Variants in NEBL observed in about 807,000 individuals in gnomAD.
The protein encoded by NEBL is nebulette.
A neutral mutation model predicts 140.2 loss-of-function variants in NEBL; 122 were observed. The ratio of observed to expected loss-of-function variants is 0.87; its 90% CI spans 0.75 to 1.01. The LOEUF (loss-of-function observed/expected upper bound fraction) is 1.01. Ranked by LOEUF, NEBL falls within the 50% of genes least tolerant of loss-of-function variation. The pLI, the probability that NEBL is intolerant of heterozygous loss-of-function variation, is 0.00. For synonymous variants in NEBL, 436 were observed against 398.9 expected, an observed-to-expected ratio of 1.09 and a Z score of -1.11; for missense variants, 1,365 against 1,231.3, an observed-to-expected ratio of 1.11 and a Z score of -1.62.
intron 4 of NEBL, among the ~76,000 whole-genome samples, chr10:20,903,434 A>C (rs903822337): frequency 6.6e-6 from 1 of 152,190 alleles, no homozygotes; most frequent in Non-Finnish European, 1.5e-5. Context: ...AAATGAGTAA[A>C]ACCTCTACGG....
rs1357824929 is a variant in NEBL, at chr10:20,813,820, C to T, written c.2346+119G>A. The T allele has an allele frequency of 4.1e-6, 3 of 738,952 alleles. No homozygotes were observed. In the African/African-American group the frequency reaches 5.2e-5, roughly 13 times the overall value. The allele number at this position is 738,952 out of a possible 1,614,324, so 45.8% of individuals were successfully genotyped here. A position where few individuals can be genotyped will look rare whatever the true frequency, so the allele number is the denominator to read the frequency against. ...TTAGAAATGCCCCTCCCTCAAAAGACAAGCCAACCACATTTCCATGCTTTG... is the reference window on the plus strand; with the variant it reads ...TTAGAAATGCCCCTCCCTCAAAAGATAAGCCAACCACATTTCCATGCTTTG... On this transcript the variant is annotated intron_variant, in intron 23 of 27. Coordinates refer to ENST00000377122, the MANE Select transcript of NEBL (RefSeq NM_006393.3).
intron 23 of NEBL, among the ~76,000 whole-genome samples, chr10:20,813,376 A>T (rs1390909693): frequency 1.3e-5 from 2 of 150,974 alleles, no homozygotes; most frequent in African/African-American, 5.0e-5. Flanking sequence ...GAAATTTTAT[A>T]GGTAACAATA....
intron 3 of NEBL, among the ~76,000 whole-genome samples, chr10:20,981,729 A>G (rs1326754175): frequency 1.3e-5 from 2 of 152,190 alleles, no homozygotes; most frequent in African/African-American, 4.8e-5. Flanking sequence ...CTGGACTGAC[A>G]GCTACAAGGA....
chr10:21,177,270 A>T (rs1166432636), upstream of NEBL, among the ~76,000 whole-genome samples: 2 of 152,168 alleles, frequency 1.3e-5, no homozygotes, highest in African/African-American at 4.8e-5. Context: ...TACTGCAGGG[A>T]GGTGACTGTT....
At chr10:21,257,772 C>G (rs1385146778) in intron 1 of NEBL, among the ~76,000 whole-genome samples, 1 of 152,128 alleles carries the variant, frequency 6.6e-6, no homozygotes, top group African/African-American at 2.4e-5. Flanking sequence ...GTAGTCCCAG[C>G]TACTTGGGAG....
At chr10:20,830,362 C>A (rs776749745) in intron 16 of NEBL, among the ~76,000 whole-genome samples, 4 of 151,924 alleles carry the variant, frequency 2.6e-5, no homozygotes, top group Non-Finnish European at 5.9e-5. Context: ...GGGAGTCATT[C>A]TTTTTTAGTA....
intron 3 of NEBL, among the ~76,000 whole-genome samples, chr10:20,981,172 C>G (rs1367543911): frequency 4.6e-5 from 7 of 152,098 alleles, no homozygotes; most frequent in Admixed American, 2.0e-4. Context: ...AACGTAGTAC[C>G]TGGTCAAACT....
chr10:21,288,255 G>A (rs1324810631), intron 1 of NEBL, among the ~76,000 whole-genome samples: 2 of 152,106 alleles, frequency 1.3e-5, no homozygotes, highest in African/African-American at 4.8e-5. Flanking sequence ...GGATCACTAG[G>A]TCAGGAGTTC....
chr10:21,090,738 G>T lies in NEBL; in HGVS notation c.165-70537C>A, dbSNP rs537159741. 4.4e-3 allele frequency among the ~76,000 whole-genome samples: 677 copies of T among 152,198 alleles called. 3 individuals carry two copies. Among genetic ancestry groups the T allele is most frequent in the Non-Finnish European group, 7.6e-3 (515 of 68,014 alleles). Reference sequence around the variant, plus strand: ...TGAATGGCCGCCCTATCGCCACCTGGTTTTGTCATTAGCCAGTTTCCTCCT... The same window carrying T: ...TGAATGGCCGCCCTATCGCCACCTGTTTTTGTCATTAGCCAGTTTCCTCCT... On this transcript the variant is annotated intron_variant, in intron 2 of 6. Coordinates refer to the NEBL transcript ENST00000417816.
At chr10:20,862,599 G>T (rs1257552747) in intron 7 of NEBL, among the ~76,000 whole-genome samples, 1 of 152,130 alleles carries the variant, frequency 6.6e-6, no homozygotes, top group Non-Finnish European at 1.5e-5. Context: ...CCTCATGCAG[G>T]TTTGCATCTT....
chr10:21,241,136 C>T (rs1261569328), intron 3 of NEBL, among the ~76,000 whole-genome samples: 1 of 151,954 alleles, frequency 6.6e-6, no homozygotes, highest in African/African-American at 2.4e-5. Flanking sequence ...GTGTTTATTT[C>T]TTGGCTTACA....
chr10:21,183,860 T>C (rs893374325), intron 3 of NEBL, among the ~76,000 whole-genome samples: 1 of 152,184 alleles, frequency 6.6e-6, no homozygotes, highest in Non-Finnish European at 1.5e-5. Context: ...GGGAGGGTCT[T>C]TCCCATGCTA....
chr10:21,136,599 C>T (rs890126695), intron 2 of NEBL, among the ~76,000 whole-genome samples: 1 of 152,192 alleles, frequency 6.6e-6, no homozygotes, highest in Non-Finnish European at 1.5e-5. Context: ...AGCTTCCCCA[C>T]CTCTCCTTCT....
chr10:20,926,759 G>A (rs1411463218), intron 4 of NEBL, among the ~76,000 whole-genome samples: 2 of 152,230 alleles, frequency 1.3e-5, no homozygotes, highest in East Asian at 3.9e-4. Context: ...CAGCTGAAGA[G>A]TGATGCTGAA....
chr10:21,095,562 C>T lies in NEBL; in HGVS notation c.165-75361G>A, dbSNP rs150184985. Among the ~76,000 whole-genome samples the T allele has an allele frequency of 2.9e-3, 442 of 152,240 alleles. 3 individuals are homozygous for T. The highest frequency in any genetic ancestry group is 9.7e-3 in the African/African-American group (405 of 41,568). ...TAAGCTTAAGGATTTTGAAGCTAAT[C>T]GGATTATTTAGGATGTGATTTTAAT... On this transcript the variant is annotated intron_variant, in intron 2 of 6. Coordinates refer to the NEBL transcript ENST00000417816.
chr10:21,254,168 T>C (rs1842625311), intron 1 of NEBL, among the ~76,000 whole-genome samples: 1 of 152,164 alleles, frequency 6.6e-6, no homozygotes, highest in South Asian at 2.1e-4. Context: ...GACAGGGTCT[T>C]GTTCTGTTGC....
chr10:21,257,564 C>T (rs1294156824), intron 1 of NEBL, among the ~76,000 whole-genome samples: 1 of 152,198 alleles, frequency 6.6e-6, no homozygotes, highest in African/African-American at 2.4e-5. Context: ...TCTGTTTTCA[C>T]AAGAGGTGAC....
At chr10:21,124,984 A>G (rs1040628714) in intron 2 of NEBL, among the ~76,000 whole-genome samples, 1 of 152,202 alleles carries the variant, frequency 6.6e-6, no homozygotes, top group Non-Finnish European at 1.5e-5. Context: ...AAATAGAAAC[A>G]GCACAGCCTG....
At chr10:20,787,154 G>A (rs1342075927) in intron 27 of NEBL, 48 bp downstream of exon 27, 2 of 1,354,978 alleles carry the variant, frequency 1.5e-6, no homozygotes, top group African/African-American at 2.9e-5. Flanking sequence ...ATGCTTGAGG[G>A]GAAATGGGAA....
Sources: gnomAD v4.1 joint callset for allele counts (sites outside exome capture counted in the v4.1 genomes callset) on GRCh38, gnomAD v4.1.1 for gene constraint, MANE v1.5 for transcripts, NCBI Gene and HGNC (gene_info 2026-07-23, HGNC 2026-07-21) for gene names.